The following DRC2 variants were observed in gnomAD, a reference collection of about 807,000 sequenced individuals.
DRC2 encodes coiled-coil domain containing 65.
At chr12:48,910,121 A>G in the DRC2 span, among the ~76,000 whole-genome samples, 1 of 152,196 alleles carries the variant, frequency 6.6e-6, no homozygotes, top group Admixed American at 6.6e-5. Flanking sequence ...GTTGTTACAA[A>G]TGACAGCTCT....
chr12:48,904,720 T>C, the DRC2 span, among the ~76,000 whole-genome samples: 49,732 of 152,104 alleles, frequency 0.33, 9,148 homozygotes, highest in Admixed American at 0.47. Context: ...TGTCAGCTGT[T>C]CCAGCTGTCT....
chr12:48,912,219 C>T, the DRC2 span, among the ~76,000 whole-genome samples: 6 of 151,870 alleles, frequency 4.0e-5, no homozygotes, highest in Non-Finnish European at 5.9e-5. Flanking sequence ...CAAGATCGCA[C>T]CACTGCACTC....
At chr12:48,912,437 C>CAAAAAAAAAAAAAAAAA in the DRC2 span, among the ~76,000 whole-genome samples, 1,419 of 45,290 alleles carry the variant, frequency 0.031, 322 homozygotes, top group South Asian at 0.09. Context: ...GACGCCGTCT[C>CAAAAAAAAAAAAAAAAA]AAAAAAAAAA....
the DRC2 span, among the ~76,000 whole-genome samples, chr12:48,910,080 A>C: frequency 6.6e-6 from 1 of 152,146 alleles, no homozygotes; most frequent in East Asian, 1.9e-4. Context: ...ATGCCCGGCC[A>C]TCCTGGCAAA....
the DRC2 span, among the ~76,000 whole-genome samples, chr12:48,915,114 C>CTTT: frequency 2.2e-5 from 3 of 133,924 alleles, no homozygotes; most frequent in Non-Finnish European, 4.7e-5. Context: ...CACTTTCTTT[C>CTTT]TTTTTTTTTT....
At chr12:48,921,318 T>A in the DRC2 span, 1 of 1,614,208 alleles carries the variant, frequency 6.2e-7, no homozygotes, top group South Asian at 1.1e-5. Flanking sequence ...GGATGGCATC[T>A]CAGTGAGTGA....
the DRC2 span, among the ~76,000 whole-genome samples, chr12:48,905,642 C>T: frequency 5.3e-5 from 8 of 152,182 alleles, no homozygotes; most frequent in South Asian, 1.7e-3. Flanking sequence ...CATCCTTATG[C>T]TCTTGGGAGG....
At chr12:48,904,250 C>T in the DRC2 span, 81 of 1,512,636 alleles carry the variant, frequency 5.4e-5, no homozygotes, top group African/African-American at 8.9e-4. Context: ...CTGGAAGTCC[C>T]CTTTCTAGGG....
chr12:48,915,265 A>G, the DRC2 span, among the ~76,000 whole-genome samples: 2 of 150,786 alleles, frequency 1.3e-5, no homozygotes, highest in Non-Finnish European at 3.0e-5. Flanking sequence ...GCGGCCTTCC[A>G]CAGCGTTTGT....
At chr12:48,916,461 G>A in the DRC2 span, among the ~76,000 whole-genome samples, 3 of 151,502 alleles carry the variant, frequency 2.0e-5, no homozygotes, top group African/African-American at 7.2e-5. Flanking sequence ...CCAGTCAGGC[G>A]TGGAGGCGCG....
At chr12:48,905,176 A>G in the DRC2 span, 3 of 1,403,376 alleles carry the variant, frequency 2.1e-6, no homozygotes, top group Non-Finnish European at 2.9e-6. Context: ...GAATGAGCCT[A>G]GTGAATCCAT....
chr12:48,914,374 TG>T, the DRC2 span: 8 of 1,560,800 alleles, frequency 5.1e-6, no homozygotes, highest in East Asian at 1.8e-4. Flanking sequence ...GCTATTCAGC[TG>T]GAATGGTAAC....
chr12:48,913,925 C>CTTTT, the DRC2 span, among the ~76,000 whole-genome samples: 39 of 95,974 alleles, frequency 4.1e-4, no homozygotes, highest in East Asian at 6.6e-4. Flanking sequence ...CGTGCCCAGT[C>CTTTT]TTTTTTTTTT....
chr12:48,916,419 G>A, the DRC2 span, among the ~76,000 whole-genome samples: 10 of 151,792 alleles, frequency 6.6e-5, no homozygotes, highest in Admixed American at 2.6e-4. Context: ...CCAACACAGC[G>A]AAACCCCGTC....
chr12:48,911,565 AAGAAAT>A, the DRC2 span, among the ~76,000 whole-genome samples: 1 of 152,006 alleles, frequency 6.6e-6, no homozygotes, highest in African/African-American at 2.4e-5. Flanking sequence ...TCAAAAGAAA[AAGAAAT>A]AGAAATAGAG....
At chr12:48,906,600 CTT>C in the DRC2 span, among the ~76,000 whole-genome samples, 1 of 150,948 alleles carries the variant, frequency 6.6e-6, no homozygotes, top group Admixed American at 6.6e-5. Context: ...GAGTTTCACT[CTT>C]GTCACCAGGC....
chr12:48,906,840 A>G, the DRC2 span, among the ~76,000 whole-genome samples: 2 of 150,742 alleles, frequency 1.3e-5, no homozygotes, highest in African/African-American at 4.9e-5. Context: ...TGCTGGGATT[A>G]CAGACGTTAG....
chr12:48,920,111 TAAAAAA>T, the DRC2 span, among the ~76,000 whole-genome samples: 2 of 32,080 alleles, frequency 6.2e-5, no homozygotes, highest in East Asian at 2.1e-3. Context: ...AGACCCTGTC[TAAAAAA>T]AAAAAAAAAA....
the DRC2 span, among the ~76,000 whole-genome samples, chr12:48,919,151 AG>A: frequency 6.6e-6 from 1 of 151,810 alleles, no homozygotes; most frequent in South Asian, 2.1e-4. Context: ...GGCCTCAAGC[AG>A]TCCTCTTGCC....
Sources: allele counts gnomAD v4.1 joint callset (sites outside exome capture counted in the v4.1 genomes callset), GRCh38; gene constraint gnomAD v4.1.1; transcripts MANE v1.5; gene names NCBI Gene and HGNC (gene_info 2026-07-23, HGNC 2026-07-21).